IGF2BP3: variants seen among roughly 807,000 people sequenced by gnomAD.
IGF2BP3 encodes the protein insulin like growth factor 2 mRNA binding protein 3.
IGF2BP3 carries 9 observed loss-of-function variants against 73.8 expected under a neutral mutation model. The observed-to-expected ratio is 0.12, with a 90% CI of 0.07 to 0.21. IGF2BP3 has a LOEUF of 0.21. Ranked by LOEUF, IGF2BP3 falls within the 10% of genes least tolerant of loss-of-function variation. The pLI is 1.00. For missense variants in IGF2BP3, 542 were observed against 714.0 expected (o/e 0.76, Z 2.75); for synonymous variants, 258 against 256.7 (o/e 1.01, Z -0.05).
intron 2 of IGF2BP3, among the ~76,000 whole-genome samples, chr7:23,421,003 A>ATTTTCT (rs1173129339): frequency 1.3e-5 from 2 of 152,000 alleles, no homozygotes; most frequent in Non-Finnish European, 2.9e-5. Flanking sequence ...TAAGTTTTAT[A>ATTTTCT]TTTTCTTTTT....
At chr7:23,444,741 T>TC (rs1332029395) in intron 2 of IGF2BP3, among the ~76,000 whole-genome samples, 12 of 77,150 alleles carry the variant, frequency 1.6e-4, no homozygotes, top group Non-Finnish European at 4.9e-5. Flanking sequence ...AGACTCTGTC[T>TC]CAAAAAAAAA....
intron 3 of IGF2BP3, chr7:23,404,988 A>G (rs1191233547): frequency 2.6e-5 from 4 of 152,142 alleles, no homozygotes; most frequent in Admixed American, 2.0e-4. Flanking sequence ...GTTTTTATAT[A>G]CTTAAATTTA....
chr7:23,440,819 T>C (rs1787915308), intron 2 of IGF2BP3, among the ~76,000 whole-genome samples: 1 of 152,148 alleles, frequency 6.6e-6, no homozygotes, highest in Non-Finnish European at 1.5e-5. Flanking sequence ...AGGTCCCACA[T>C]CATATACATA....
At chr7:23,420,721 C>T (rs1386537260) in intron 2 of IGF2BP3, among the ~76,000 whole-genome samples, 1 of 152,094 alleles carries the variant, frequency 6.6e-6, no homozygotes, top group Non-Finnish European at 1.5e-5. Flanking sequence ...CCTAGATTAA[C>T]TAAACTCAGG....
At chr7:23,456,730 TATAAC>T (rs75340964) in intron 2 of IGF2BP3, among the ~76,000 whole-genome samples, 19,351 of 152,206 alleles carry the variant, frequency 0.13, 1,286 homozygotes, top group African/African-American at 0.16. Flanking sequence ...TTGTCAAACT[TATAAC>T]TAATTATGTC....
chr7:23,342,361 T>C (rs1364309949), intron 9 of IGF2BP3, among the ~76,000 whole-genome samples, 172 bp from the exon 10 acceptor site: 1 of 152,240 alleles, frequency 6.6e-6, no homozygotes, highest in African/African-American at 2.4e-5. Context: ...CATCTGTTTA[T>C]ATCCCTTGGT....
At chr7:23,404,768 G>T (rs1786777029) in intron 3 of IGF2BP3, among the ~76,000 whole-genome samples, 1 of 151,664 alleles carries the variant, frequency 6.6e-6, no homozygotes. Flanking sequence ...GGGGGGTGGG[G>T]GTGGGGATGG....
At chr7:23,344,682 T>C (rs1784789985) in intron 8 of IGF2BP3, among the ~76,000 whole-genome samples, 1 of 152,230 alleles carries the variant, frequency 6.6e-6, no homozygotes, top group African/African-American at 2.4e-5. Flanking sequence ...ATATGGATTA[T>C]TGGTACAAAT....
chr7:23,454,315 T>C lies in IGF2BP3; in HGVS notation c.236+14167A>G, dbSNP rs564195399. ...CACATTTTAGGGATTCTAAGATCCA[T>C]GCACCTAGATATAAAGCACCAATTC... On this transcript the variant is annotated intron_variant, in intron 2 of 14. Transcript: ENST00000258729. Among the ~76,000 whole-genome samples, 9 of 152,326 alleles carry C rather than the reference T, an allele frequency of 5.9e-5. No homozygotes were observed. The East Asian group carries it at 1.7e-3, about 29-fold the overall frequency.
At chr7:23,338,888 A>G (rs576227200) in intron 10 of IGF2BP3, among the ~76,000 whole-genome samples, 1 of 152,386 alleles carries the variant, frequency 6.6e-6, no homozygotes, top group South Asian at 2.1e-4. Context: ...TGGATAAATG[A>G]TTTAGGAAAA....
intron 3 of IGF2BP3, among the ~76,000 whole-genome samples, chr7:23,362,131 A>T (rs1285149561): frequency 1.3e-5 from 2 of 152,216 alleles, no homozygotes; most frequent in African/African-American, 2.4e-5. Context: ...CTAAAGTTTA[A>T]CAGGGCGCGG....
At chr7:23,423,034 C>A (rs188995802) in intron 2 of IGF2BP3, among the ~76,000 whole-genome samples, 1 of 152,224 alleles carries the variant, frequency 6.6e-6, no homozygotes, top group Non-Finnish European at 1.5e-5. Flanking sequence ...CTCAGCCTCC[C>A]GAAGTGCTGG....
chr7:23,377,518 C>G (rs1427075158), intron 3 of IGF2BP3, among the ~76,000 whole-genome samples: 1 of 152,202 alleles, frequency 6.6e-6, no homozygotes, highest in Non-Finnish European at 1.5e-5. Flanking sequence ...AACCCTCAGA[C>G]ATCGTTGGTG....
intron 12 of IGF2BP3, among the ~76,000 whole-genome samples, chr7:23,313,883 A>G (rs1783901009): frequency 6.6e-6 from 1 of 152,276 alleles, no homozygotes; most frequent in African/African-American, 2.4e-5. Context: ...AAAGAAGGAT[A>G]AACCATATTC....
intron 3 of IGF2BP3, among the ~76,000 whole-genome samples, chr7:23,374,419 C>A (rs934847356): frequency 1.1e-4 from 16 of 152,090 alleles, no homozygotes; most frequent in African/African-American, 2.9e-4. Flanking sequence ...AATCCCAGCT[C>A]TTTGGGAGGC....
intron 10 of IGF2BP3, among the ~76,000 whole-genome samples, chr7:23,329,050 A>T (rs1001493290): frequency 3.9e-5 from 6 of 151,972 alleles, no homozygotes; most frequent in African/African-American, 1.5e-4. Context: ...TCTGCTAAAA[A>T]AGAAATACAA....
intron 3 of IGF2BP3, among the ~76,000 whole-genome samples, chr7:23,394,191 T>G (rs143736183): frequency 2.0e-5 from 3 of 152,324 alleles, no homozygotes; most frequent in African/African-American, 7.2e-5. Context: ...TAACGCTATT[T>G]ATAATCAGCA....
intron 3 of IGF2BP3, among the ~76,000 whole-genome samples, chr7:23,380,093 C>T (rs1191881159): frequency 6.7e-6 from 1 of 148,444 alleles, no homozygotes. Context: ...GCCGTGAATA[C>T]AAAAGAATAC....
chr7:23,353,351 G>C (rs933887348), intron 5 of IGF2BP3, among the ~76,000 whole-genome samples: 32 of 152,296 alleles, frequency 2.1e-4, no homozygotes, highest in African/African-American at 7.7e-4. Context: ...AGGCAGACCT[G>C]GGCAAGCAGA....
Sources: allele counts gnomAD v4.1 joint callset (sites outside exome capture counted in the v4.1 genomes callset), GRCh38; gene constraint gnomAD v4.1.1; transcripts MANE v1.5; gene names NCBI Gene and HGNC (gene_info 2026-07-23, HGNC 2026-07-21).